CSMD3: variants seen among roughly 807,000 people sequenced by gnomAD.
CSMD3 encodes the protein CUB and sushi domain-containing protein 3.
A neutral mutation model predicts 435.2 loss-of-function variants in CSMD3; 177 were observed. The ratio of observed to expected loss-of-function variants is 0.41; its 90% CI spans 0.36 to 0.46. The LOEUF (loss-of-function observed/expected upper bound fraction) is 0.46, where lower values mean the gene tolerates loss of function less well. Among genes scored for constraint, CSMD3 ranks in the 20% least tolerant of loss-of-function variants. The pLI, the probability that CSMD3 is intolerant of heterozygous loss-of-function variation, is 0.34. For synonymous variants in CSMD3, 1,656 were observed against 1,520.5 expected, an observed-to-expected ratio of 1.09 and a Z score of -2.07; for missense variants, 4,265 against 4,504.6, an observed-to-expected ratio of 0.95 and a Z score of 1.52.
rs112414574 is a variant in CSMD3 at position 112,513,731 on chromosome 8, G to C, written c.4756+3303C>G. 9.8e-3 allele frequency among the ~76,000 whole-genome samples: 1,498 copies of C among 152,254 alleles called. 22 individuals are homozygous for C. Among genetic ancestry groups the C allele is most frequent in the African/African-American group, 0.035 (1,439 of 41,552 alleles). On this transcript the variant is annotated intron_variant, in intron 28 of 70. Coordinates refer to ENST00000297405, the MANE Select transcript of CSMD3 (RefSeq NM_198123.2). ...TCTGTGGCATGCAATAAAGTGAACT[G>C]TAATAAAATGAGGTATGCTTATATG...
At chr8:112,556,740 G>GA in intron 25 of CSMD3, 23 bp downstream of exon 25, 1 of 1,571,274 alleles carries the variant, frequency 6.4e-7, no homozygotes, top group Non-Finnish European at 8.8e-7. Context: ...AATATTCAAT[G>GA]AAAATCTATG....
At chr8:113,010,874 T>C (rs1474961009) in intron 6 of CSMD3, among the ~76,000 whole-genome samples, 2 of 151,496 alleles carry the variant, frequency 1.3e-5, no homozygotes, top group East Asian at 3.9e-4. Context: ...TTAATCCAAC[T>C]CCCTAGAAAA....
intron 4 of CSMD3, among the ~76,000 whole-genome samples, chr8:113,159,583 T>C (rs1165793462): frequency 6.6e-6 from 1 of 151,988 alleles, no homozygotes; most frequent in African/African-American, 2.4e-5. Context: ...ACCTCATATA[T>C]TCTGATAAGC....
At chr8:113,144,266 A>C (rs903460843) in intron 4 of CSMD3, among the ~76,000 whole-genome samples, 2 of 151,496 alleles carry the variant, frequency 1.3e-5, no homozygotes, top group African/African-American at 2.4e-5. Flanking sequence ...CATTGTTCCC[A>C]AAAATCTGGT....
intron 32 of CSMD3, among the ~76,000 whole-genome samples, chr8:112,430,929 C>G (rs1223895425): frequency 6.7e-6 from 1 of 149,406 alleles, no homozygotes; most frequent in Non-Finnish European, 1.5e-5. Context: ...TGTTTACTTT[C>G]ACTTGAGGTA....
At chr8:112,967,089 C>A (rs140448787) in intron 7 of CSMD3, among the ~76,000 whole-genome samples, 1 of 151,934 alleles carries the variant, frequency 6.6e-6, no homozygotes, top group South Asian at 2.1e-4. Context: ...CCAATTCCAT[C>A]AAGTCATGAT....
intron 13 of CSMD3, among the ~76,000 whole-genome samples, chr8:112,713,357 A>AAAAT (rs71309785): frequency 0.36 from 53,142 of 146,536 alleles, 9,593 homozygotes; most frequent in Non-Finnish European, 0.39. Flanking sequence ...ACAAGATTAG[A>AAAAT]AAATAAATAA....
chr8:112,302,202 C>CT (rs61325166), intron 52 of CSMD3, among the ~76,000 whole-genome samples: 23 of 141,882 alleles, frequency 1.6e-4, no homozygotes, highest in East Asian at 2.0e-4. Flanking sequence ...ACATAAAGTT[C>CT]TTTTTTTTTC....
chr8:113,088,974 C>G (rs1181884876), intron 5 of CSMD3, among the ~76,000 whole-genome samples: 2 of 152,084 alleles, frequency 1.3e-5, no homozygotes, highest in Non-Finnish European at 2.9e-5. Flanking sequence ...ACATTAAACA[C>G]ATATTTTTCT....
chr8:112,574,813 T>C (rs1278606597), intron 23 of CSMD3, among the ~76,000 whole-genome samples: 1 of 151,850 alleles, frequency 6.6e-6, no homozygotes, highest in Non-Finnish European at 1.5e-5. Context: ...ACAAGAAAAA[T>C]TGGAGAATAC....
chr8:112,390,908 T>C, intron 35 of CSMD3, 120 bp from the exon 36 acceptor site: 1 of 941,120 alleles, frequency 1.1e-6, no homozygotes, highest in Non-Finnish European at 1.7e-6. Context: ...TCATACTTTT[T>C]TCAAAACTGA....
intron 52 of CSMD3, among the ~76,000 whole-genome samples, chr8:112,304,140 A>G (rs1821184394): frequency 1.3e-5 from 2 of 152,194 alleles, no homozygotes; most frequent in African/African-American, 4.8e-5. Context: ...GGATGTGGTT[A>G]TAGCTGGTAT....
In CSMD3 at chr8:112,318,694, A is replaced by G. The variant is rs558669396; in HGVS notation, c.7360+143T>C. 1.9e-5 allele frequency: 12 copies of G among 630,498 alleles called. No homozygotes were observed. In the South Asian group the frequency reaches 2.1e-4, roughly 11 times the overall value. The allele number at this position is 630,498 out of a possible 1,614,324, so 39.1% of individuals were successfully genotyped here. A position where few individuals can be genotyped will look rare whatever the true frequency, so the allele number is the denominator to read the frequency against. On this transcript the variant is annotated intron_variant, in intron 47 of 70. Coordinates refer to ENST00000297405, the MANE Select transcript of CSMD3 (RefSeq NM_198123.2). The stretch of plus-strand genomic sequence containing the variant: ...ACAGTGGACTATTTCTAAATGAAAT[A>G]GCACATATGAGTTATAAAATGTATA...
intron 6 of CSMD3, among the ~76,000 whole-genome samples, chr8:112,999,381 C>T (rs922041950): frequency 4.0e-5 from 6 of 151,734 alleles, no homozygotes; most frequent in African/African-American, 1.2e-4. Context: ...AACCCTATGA[C>T]AGAAGGAGGT....
chr8:113,362,309 A>C (rs2094282612), intron 1 of CSMD3, among the ~76,000 whole-genome samples: 1 of 152,186 alleles, frequency 6.6e-6, no homozygotes, highest in Non-Finnish European at 1.5e-5. Flanking sequence ...ACAGCAACAG[A>C]AGTTGGCATT....
chr8:113,046,024 C>T (rs2087814634), intron 5 of CSMD3, among the ~76,000 whole-genome samples: 1 of 149,340 alleles, frequency 6.7e-6, no homozygotes, highest in Non-Finnish European at 1.5e-5. Flanking sequence ...AAATGTTTTA[C>T]AAACAAACAA....
At chr8:113,142,727 A>G (rs2091578595) in intron 4 of CSMD3, among the ~76,000 whole-genome samples, 1 of 151,116 alleles carries the variant, frequency 6.6e-6, no homozygotes, top group Admixed American at 6.6e-5. Flanking sequence ...TGTACATTTT[A>G]AAGTCACTAA....
At chr8:113,240,750 G>T (rs962051688) in intron 3 of CSMD3, among the ~76,000 whole-genome samples, 3 of 152,080 alleles carry the variant, frequency 2.0e-5, no homozygotes, top group African/African-American at 4.8e-5. Flanking sequence ...ATCTGATGAG[G>T]TATAATCTCA....
intron 6 of CSMD3, among the ~76,000 whole-genome samples, chr8:112,997,999 C>T (rs1320421698): frequency 6.6e-6 from 1 of 151,346 alleles, no homozygotes; most frequent in Non-Finnish European, 1.5e-5. Flanking sequence ...TTCTCATCTA[C>T]TGCCTTACTT....
Sources: gnomAD v4.1 joint callset for allele counts (sites outside exome capture counted in the v4.1 genomes callset) on GRCh38, gnomAD v4.1.1 for gene constraint, MANE v1.5 for transcripts, NCBI Gene and HGNC (gene_info 2026-07-23, HGNC 2026-07-21) for gene names.